NDUFAF6: variants seen among roughly 807,000 people sequenced by gnomAD.
NDUFAF6 encodes NADH:ubiquinone oxidoreductase complex assembly factor 6, also known as NADH dehydrogenase (ubiquinone) complex I, assembly factor 6.
Under a neutral mutation model 40.8 loss-of-function variants are expected in NDUFAF6, and 45 were observed. The ratio of observed to expected loss-of-function variants is 1.10; its 90% CI spans 0.87 to 1.42. The LOEUF is 1.42. Ranked by LOEUF, NDUFAF6 falls within the 40% of genes most tolerant of loss-of-function variation. The pLI is 0.00. For synonymous variants in NDUFAF6, 185 were observed against 155.9 expected, an observed-to-expected ratio of 1.19 and a Z score of -1.39; for missense variants, 435 against 418.5, an observed-to-expected ratio of 1.04 and a Z score of -0.34.
intron 8 of NDUFAF6, among the ~76,000 whole-genome samples, chr8:95,057,283 A>AC (rs1430699387): frequency 5.3e-5 from 8 of 152,186 alleles, no homozygotes; most frequent in Admixed American, 1.3e-4. Flanking sequence ...CCTTGTAAAA[A>AC]CTTTGTCAAG....
rs935630337 is a variant in NDUFAF6, at chr8:95,002,207, G to A, written c.-84+21234G>A. 4.6e-5 allele frequency among the ~76,000 whole-genome samples: 7 copies of A among 152,240 alleles called. No individual in the cohort carries two copies. The East Asian group carries it at 1.2e-3, about 25-fold the overall frequency. On this transcript the variant is annotated intron_variant, in intron 2 of 9. Transcript: ENST00000396111. ...GTTCCCCATTCTTTTGACACTTCCT[G>A]ATAAAAATATCTTTTGCTGTCAGTC...
intron 1 of NDUFAF6, among the ~76,000 whole-genome samples, chr8:94,967,406 A>G (rs1176844274): frequency 1.3e-5 from 2 of 152,206 alleles, no homozygotes; most frequent in African/African-American, 4.8e-5. Context: ...TCCTAGAAAA[A>G]GTCCTGAAAT....
At chr8:94,902,401 A>G (rs1299208613) in intron 1 of NDUFAF6, among the ~76,000 whole-genome samples, 1 of 144,802 alleles carries the variant, frequency 6.9e-6, no homozygotes, top group Non-Finnish European at 1.5e-5. Context: ...CCTGGGTGAC[A>G]GAGTGAGGCC....
At chr8:95,005,526 A>AATATATATATATATAT (rs760333438) in intron 2 of NDUFAF6, among the ~76,000 whole-genome samples, 20 of 7,270 alleles carry the variant, frequency 2.8e-3, no homozygotes, top group African/African-American at 0.013. Flanking sequence ...GGTCCTTTTA[A>AATATATATATATATAT]ATATATATAT....
At chr8:95,025,356 G>T in intron 1 of NDUFAF6, 151 bp downstream of exon 1, 2 of 754,976 alleles carry the variant, frequency 2.6e-6, no homozygotes, top group East Asian at 3.4e-5. Flanking sequence ...GTCGGGTGCG[G>T]GTGTGCGGAG....
chr8:94,966,425 C>G (rs540893084), intron 1 of NDUFAF6, among the ~76,000 whole-genome samples: 1 of 152,154 alleles, frequency 6.6e-6, no homozygotes, highest in East Asian at 1.9e-4. Flanking sequence ...GAAACTTCAT[C>G]TCTACACAAA....
downstream of NDUFAF6, among the ~76,000 whole-genome samples, chr8:95,063,327 G>A (rs570219841): frequency 3.0e-4 from 45 of 152,312 alleles, no homozygotes; most frequent in Non-Finnish European, 5.4e-4. Flanking sequence ...CTGTTTTCCT[G>A]TAGTGGCTCA....
intron 2 of NDUFAF6, among the ~76,000 whole-genome samples, chr8:95,092,975 G>A (rs1459706751): frequency 1.3e-5 from 2 of 152,146 alleles, no homozygotes; most frequent in African/African-American, 4.8e-5. Flanking sequence ...TCTACTGATC[G>A]GCAATTTCAT....
intron 4 of NDUFAF6, among the ~76,000 whole-genome samples, chr8:95,113,646 T>C (rs1810057757): frequency 6.6e-6 from 1 of 152,172 alleles, no homozygotes; most frequent in African/African-American, 2.4e-5. Context: ...GGAAAGGAAA[T>C]AAGTGCTTTT....
At chr8:94,910,847 G>A (rs530782533) in intron 1 of NDUFAF6, among the ~76,000 whole-genome samples, 96 of 150,362 alleles carry the variant, frequency 6.4e-4, no homozygotes, top group Non-Finnish European at 9.9e-4. Flanking sequence ...ATTTTATCAG[G>A]AAGTGTTTTA....
chr8:95,102,630 C>A (rs2132077801), intron 2 of NDUFAF6, among the ~76,000 whole-genome samples: 1 of 152,264 alleles, frequency 6.6e-6, no homozygotes, highest in South Asian at 2.1e-4. Context: ...GAAAGCAATT[C>A]ATGGGAAAGT....
At chr8:95,012,859 A>G (rs976152723) in intron 2 of NDUFAF6, among the ~76,000 whole-genome samples, 2 of 152,038 alleles carry the variant, frequency 1.3e-5, no homozygotes, top group African/African-American at 2.4e-5. Context: ...AATGGGTAAT[A>G]AAAACTATGT....
chr8:94,953,200 A>T (rs575078720), upstream of NDUFAF6, among the ~76,000 whole-genome samples: 22 of 152,190 alleles, frequency 1.4e-4, no homozygotes, highest in African/African-American at 5.3e-4. Context: ...ATACAAAATT[A>T]GCTGGTCATG....
intron 3 of NDUFAF6, among the ~76,000 whole-genome samples, chr8:95,038,328 A>G (rs546411083): frequency 5.1e-4 from 77 of 152,218 alleles, no homozygotes; most frequent in African/African-American, 1.8e-3. Flanking sequence ...ATTGTAAGTT[A>G]TATACATCAT....
At chr8:95,050,755 GTGTC>G (rs1348754646) in intron 7 of NDUFAF6, among the ~76,000 whole-genome samples, 4 of 152,164 alleles carry the variant, frequency 2.6e-5, no homozygotes, top group Admixed American at 2.0e-4. Context: ...GGAAGAAAGA[GTGTC>G]TGATTTAGAG....
intron 1 of NDUFAF6, among the ~76,000 whole-genome samples, chr8:94,921,500 A>G (rs576022466): frequency 6.6e-6 from 1 of 152,234 alleles, no homozygotes; most frequent in Non-Finnish European, 1.5e-5. Flanking sequence ...AGGGAGAAAT[A>G]GATCCCTAGA....
chr8:94,976,557 C>A (rs1459545430), intron 1 of NDUFAF6, among the ~76,000 whole-genome samples: 2 of 150,110 alleles, frequency 1.3e-5, no homozygotes, highest in South Asian at 2.1e-4. Context: ...GCCTGTGGTC[C>A]CAGCTACTTG....
chr8:94,941,478 A>C (rs573109781), intron 1 of NDUFAF6, among the ~76,000 whole-genome samples: 111 of 152,312 alleles, frequency 7.3e-4, no homozygotes, highest in Non-Finnish European at 1.2e-3. Context: ...CCTGGTGACC[A>C]CCATTATGCC....
At chr8:95,041,435 C>T in intron 3 of NDUFAF6, 135 bp from the exon 4 acceptor site, 8 of 638,644 alleles carry the variant, frequency 1.3e-5, no homozygotes. Flanking sequence ...ACTTCTTTAA[C>T]ATAGCTGTCT....
Sources: gnomAD v4.1 joint callset for allele counts (sites outside exome capture counted in the v4.1 genomes callset) on GRCh38, gnomAD v4.1.1 for gene constraint, MANE v1.5 for transcripts, NCBI Gene and HGNC (gene_info 2026-07-23, HGNC 2026-07-21) for gene names.